Variants in HEPH observed in about 807,000 individuals in gnomAD.
The protein encoded by HEPH is hephaestin.
HEPH carries 69 observed loss-of-function variants against 80.8 expected under a neutral mutation model. The ratio of observed to expected loss-of-function variants is 0.85; its 90% CI spans 0.70 to 1.04. The LOEUF (loss-of-function observed/expected upper bound fraction) is 1.04. HEPH is among the 50% of genes least tolerant of loss of function. HEPH has a pLI of 0.00. For synonymous variants in HEPH, 431 were observed against 322.8 expected (o/e 1.34, Z -3.60); for missense variants, 1,115 against 891.3 (o/e 1.25, Z -3.20).
At chrX:66,214,251 A>T (rs2089287257) in intron 15 of HEPH, among the ~76,000 whole-genome samples, 1 of 112,319 alleles carries the variant, frequency 8.9e-6, no homozygotes, top group Non-Finnish European at 1.9e-5. Context: ...GTAAGAGATG[A>T]TGGCAGCTTG....
At chrX:66,201,776 A>G (rs1238002497) in intron 12 of HEPH, among the ~76,000 whole-genome samples, 1 of 112,311 alleles carries the variant, frequency 8.9e-6, no homozygotes, top group Non-Finnish European at 1.9e-5. Context: ...CAGAAATAGA[A>G]AGGACAATTT....
In HEPH at chrX:66,180,395, G is replaced by A. The variant is rs754536319; in HGVS notation, c.625+6594G>A. ...TAGTTTTGCTGGATACAGAATTCTC[G>A]GCTGATAATTGTTTTGTTTGTGGAA... On this transcript the variant is annotated intron_variant, in intron 4 of 20. Coordinates refer to ENST00000343002, the MANE Select transcript of HEPH (RefSeq NM_001367233.3). 6.7e-4 allele frequency among the ~76,000 whole-genome samples: 74 copies of A among 110,624 alleles called. 1 individual carries two copies. In the Middle Eastern group the frequency reaches 0.018, roughly 27 times the overall value.
chrX:66,201,208 G>A (rs912191937), intron 12 of HEPH, among the ~76,000 whole-genome samples: 15 of 110,014 alleles, frequency 1.4e-4, no homozygotes, highest in Admixed American at 5.8e-4. Flanking sequence ...CCCATGATGC[G>A]CCCCACCCTC....
chrX:66,172,546 C>T lies in HEPH; in HGVS notation c.359C>T (p.Thr120Ile). The change falls in exon 3 of 21, where the codon ACT (threonine) becomes ATT (isoleucine). Residue 120 changes from threonine to isoleucine, a missense_variant. Physicochemically the swap from Thr to Ile is moderately conservative, Grantham distance 89 (BLOSUM62 -1). Coordinates refer to ENST00000343002, the MANE Select transcript of HEPH (RefSeq NM_001367233.3). ...CTTATTCACCTGAAGAATTTTGCCA[C>T]TCGTCCCTATACCATCCACCCTCAT... ...VILIHLKNFA[T>I]RPYTIHPHGV... is the part of the protein sequence containing the mutation. 4.1e-6 allele frequency: 5 copies of T among 1,208,382 alleles called. No homozygotes were observed. Among genetic ancestry groups the T allele is most frequent in the Non-Finnish European group, 5.6e-6 (5 of 893,341 alleles).
intron 15 of HEPH, among the ~76,000 whole-genome samples, chrX:66,253,124 A>G (rs1440107188): frequency 8.9e-6 from 1 of 112,584 alleles, no homozygotes; most frequent in African/African-American, 3.2e-5. Flanking sequence ...ATATGCTTTA[A>G]AGGACACCAT....
At chrX:66,215,268 T>G (rs1220349222) in intron 15 of HEPH, among the ~76,000 whole-genome samples, 4 of 111,472 alleles carry the variant, frequency 3.6e-5, no homozygotes. Flanking sequence ...TATTCATTTG[T>G]GTAAGTTGAA....
intron 7 of HEPH, among the ~76,000 whole-genome samples, chrX:66,192,677 ATT>A (rs1300016260): frequency 9.0e-6 from 1 of 111,583 alleles, no homozygotes; most frequent in Non-Finnish European, 1.9e-5. Flanking sequence ...TTGCTCCTTC[ATT>A]TCTTTTCTAT....
intron 4 of HEPH, among the ~76,000 whole-genome samples, chrX:66,180,830 A>G (rs1431265908): frequency 5.3e-5 from 4 of 75,123 alleles, no homozygotes; most frequent in Non-Finnish European, 1.0e-4. Flanking sequence ...TATATCTCCC[A>G]ATGCTATCCC....
intron 15 of HEPH, among the ~76,000 whole-genome samples, chrX:66,253,768 AC>A (rs1267966616): frequency 8.9e-6 from 1 of 112,442 alleles, no homozygotes; most frequent in East Asian, 2.8e-4. Context: ...AATAAACACA[AC>A]TAAGTATTGA....
At chrX:66,172,324 C>A in intron 2 of HEPH, 31 bp from the exon 3 acceptor site, 1 of 1,159,617 alleles carries the variant, frequency 8.6e-7, no homozygotes, top group Non-Finnish European at 1.2e-6. Context: ...AGATGGGGGG[C>A]AAAATTATGA....
Position 66,256,252 on chromosome X carries a change from GT to G in HEPH, c.2819del (p.Val940GlyfsTer104). 1 of 1,211,340 alleles carries G rather than the reference GT, an allele frequency of 8.3e-7. No individual in the cohort carries two copies. Among genetic ancestry groups the G allele is most frequent in the Non-Finnish European group, 1.1e-6 (1 of 895,076 alleles). ...TAAGTCTTGGTATTTGGAGGAAAAT[GT>G]GGCAACCCATGGGTCCCAGGATCCA... ...ENKSWYLEEN[V>X]ATHGSQDPGS... On this transcript the variant is annotated frameshift_variant, in exon 17 of 21. Coordinates refer to ENST00000343002, the MANE Select transcript of HEPH (RefSeq NM_001367233.3). LOFTEE classifies it high-confidence loss of function.
chrX:66,265,270 CAT>C (rs1156661853), intron 20 of HEPH, among the ~76,000 whole-genome samples: 4 of 110,659 alleles, frequency 3.6e-5, no homozygotes, highest in Admixed American at 1.9e-4. Flanking sequence ...ATAAGTAAGA[CAT>C]AGCCGCTATT....
chrX:66,213,043 AATT>A (rs2089216836), intron 15 of HEPH, among the ~76,000 whole-genome samples: 2 of 107,888 alleles, frequency 1.9e-5, no homozygotes, highest in Admixed American at 1.0e-4. Context: ...TATTTATTTT[AATT>A]ATTATACTTT....
At chrX:66,236,405 A>G (rs1384903147) in intron 15 of HEPH, among the ~76,000 whole-genome samples, 1 of 111,779 alleles carries the variant, frequency 8.9e-6, no homozygotes, top group African/African-American at 3.3e-5. Flanking sequence ...TGCTTATGAG[A>G]TGAATCCCAT....
chrX:66,189,167 T>C (rs185188287), intron 5 of HEPH, among the ~76,000 whole-genome samples: 334 of 112,314 alleles, frequency 3.0e-3, no homozygotes, highest in Non-Finnish European at 5.1e-3. Context: ...AGGGGTGGGC[T>C]AAAAACCATA....
intron 15 of HEPH, among the ~76,000 whole-genome samples, chrX:66,228,597 C>A (rs2089988046): frequency 8.9e-6 from 1 of 112,149 alleles, no homozygotes; most frequent in East Asian, 2.8e-4. Context: ...ACAGACATCC[C>A]AGAGAGTGAG....
At position 66,257,666 on chromosome X, in the gene HEPH, C is replaced by T. The variant is rs1027979266; in HGVS notation, c.2897-1174C>T. Among the ~76,000 whole-genome samples the T allele has an allele frequency of 2.7e-5, 3 of 111,972 alleles. No homozygotes were observed. In the South Asian group the frequency reaches 1.1e-3, roughly 42 times the overall value. ...CATACCCCACAGTGAAATAATGAAT[C>T]GGCTATTGCCCATTTCTGTGGCCTG... On this transcript the variant is annotated intron_variant, in intron 17 of 20. Transcript: ENST00000343002.
chrX:66,162,964 G>A, upstream of HEPH: 1 of 877,489 alleles, frequency 1.1e-6, no homozygotes, highest in South Asian at 2.7e-5. Context: ...TTTTTAGAGA[G>A]GCATAGTATT....
chrX:66,261,253 G>T (rs2091351915), intron 19 of HEPH, among the ~76,000 whole-genome samples: 1 of 111,966 alleles, frequency 8.9e-6, no homozygotes, highest in Non-Finnish European at 1.9e-5. Context: ...AAGAGAGATT[G>T]TCCTTCAGTT....
Sources: gnomAD v4.1 joint callset for allele counts (sites outside exome capture counted in the v4.1 genomes callset) on GRCh38, gnomAD v4.1.1 for gene constraint, MANE v1.5 for transcripts, NCBI Gene and HGNC (gene_info 2026-07-23, HGNC 2026-07-21) for gene names.